The following C16orf74 variants were observed in gnomAD, a reference collection of about 807,000 sequenced individuals.
The protein encoded by C16orf74 is uncharacterized protein C16orf74.
A neutral mutation model predicts 6.5 loss-of-function variants in C16orf74; 10 were observed. That is an observed-to-expected ratio of 1.54 (90% confidence interval 0.95 to 2.61). The LOEUF is 2.61. C16orf74 is among the 30% of genes most tolerant of loss of function. The probability of loss-of-function intolerance (pLI) is 0.00; values close to 1 mark genes in which losing one functional copy is unlikely to be tolerated. For missense variants in C16orf74, 141 were observed against 105.9 expected (o/e 1.33, Z -1.45); for synonymous variants, 60 against 42.5 (o/e 1.41, Z -1.60).
At chr16:85,724,063 T>A (rs1056682443) in intron 2 of C16orf74, among the ~76,000 whole-genome samples, 15 of 152,070 alleles carry the variant, frequency 9.9e-5, no homozygotes, top group Non-Finnish European at 2.1e-4. Flanking sequence ...TGGAATGCAG[T>A]GGCACCGGGC....
chr16:85,709,751 G>A (rs971438856), intron 3 of C16orf74, among the ~76,000 whole-genome samples: 1 of 152,312 alleles, frequency 6.6e-6, no homozygotes, highest in Admixed American at 6.5e-5. Context: ...CCCAGGGTCC[G>A]GCCCCAGCCT....
chr16:85,733,398 GAACGGGGAGTTAGTGTTT>G (rs2054211164), intron 2 of C16orf74, among the ~76,000 whole-genome samples: 1 of 152,138 alleles, frequency 6.6e-6, no homozygotes, highest in African/African-American at 2.4e-5. Context: ...GCTGGGGAGG[GAACGGGGAGTTAGTGTTT>G]AACGGGGACA....
At chr16:85,717,435 G>A (rs1244585714) in intron 2 of C16orf74, among the ~76,000 whole-genome samples, 2 of 152,204 alleles carry the variant, frequency 1.3e-5, no homozygotes, top group East Asian at 3.9e-4. Flanking sequence ...GCCACTGTGG[G>A]AACAGGTGGC....
chr16:85,735,003 A>G lies in C16orf74; in HGVS notation c.28+187T>C, dbSNP rs561396092. On this transcript the variant is annotated intron_variant, in intron 2 of 3. Coordinates refer to ENST00000284245, the MANE Select transcript of C16orf74 (RefSeq NM_206967.3). Reference sequence around the variant, plus strand: ...AGTCACCCACTGCTAGTGAAATAGAAGGCCTGGAGGGGTGCTCAGAGTCAG... The same window carrying G: ...AGTCACCCACTGCTAGTGAAATAGAGGGCCTGGAGGGGTGCTCAGAGTCAG... 2.4e-3 allele frequency among the ~76,000 whole-genome samples: 367 copies of G among 152,274 alleles called. 1 individual carries two copies. The highest frequency in any genetic ancestry group is 8.4e-3 in the African/African-American group (351 of 41,564).
intron 1 of C16orf74, among the ~76,000 whole-genome samples, chr16:85,747,645 G>A (rs1370421703): frequency 6.6e-6 from 1 of 152,144 alleles, no homozygotes; most frequent in East Asian, 1.9e-4. Context: ...GTATCAAACT[G>A]TAAAATATTT....
intron 1 of C16orf74, among the ~76,000 whole-genome samples, chr16:85,738,766 G>A (rs1489962796): frequency 2.6e-5 from 4 of 151,874 alleles, no homozygotes; most frequent in South Asian, 4.2e-4. Flanking sequence ...CTGTGGGAGC[G>A]ACAGGCACAT....
At chr16:85,735,012 G>A (rs2054228467) in intron 2 of C16orf74, among the ~76,000 whole-genome samples, 178 bp downstream of exon 2, 1 of 152,164 alleles carries the variant, frequency 6.6e-6, no homozygotes, top group African/African-American at 2.4e-5. Context: ...AAGGCCTGGA[G>A]GGGTGCTCAG....
chr16:85,739,894 T>C (rs980006772), intron 1 of C16orf74, among the ~76,000 whole-genome samples: 1 of 152,168 alleles, frequency 6.6e-6, no homozygotes, highest in Non-Finnish European at 1.5e-5. Context: ...ATTCTGATTA[T>C]TGTACTGTGT....
chr16:85,719,726 G>T (rs554921796), intron 2 of C16orf74, among the ~76,000 whole-genome samples: 1 of 152,316 alleles, frequency 6.6e-6, no homozygotes, highest in East Asian at 1.9e-4. Context: ...CAATCAGAAA[G>T]CGGCAGGAGA....
intron 2 of C16orf74, among the ~76,000 whole-genome samples, chr16:85,725,059 G>A (rs1241597267): frequency 3.0e-5 from 4 of 133,648 alleles, no homozygotes; most frequent in Middle Eastern, 8.4e-3. Flanking sequence ...AAGCATGGGT[G>A]ACTGATGGGG....
intron 2 of C16orf74, among the ~76,000 whole-genome samples, chr16:85,716,822 G>C (rs567254561): frequency 2.6e-4 from 39 of 152,282 alleles, no homozygotes; most frequent in Admixed American, 6.5e-4. Flanking sequence ...GCTCTCAGGA[G>C]GATGAAGCCA....
At chr16:85,728,497 G>A (rs540373246) in intron 2 of C16orf74, among the ~76,000 whole-genome samples, 9 of 152,248 alleles carry the variant, frequency 5.9e-5, no homozygotes, top group South Asian at 4.1e-4. Flanking sequence ...TGACACTGGA[G>A]TTAACCCAGG....
chr16:85,710,359 G>T, intron 2 of C16orf74, 52 bp from the exon 3 acceptor site: 1 of 1,425,884 alleles, frequency 7.0e-7, no homozygotes, highest in South Asian at 1.5e-5. Context: ...CAGAGAGACA[G>T]GCATCAGTGG....
chr16:85,728,821 G>C (rs554313155), intron 2 of C16orf74, among the ~76,000 whole-genome samples: 35 of 152,340 alleles, frequency 2.3e-4, no homozygotes, highest in African/African-American at 7.5e-4. Context: ...CAACGTTGCA[G>C]TCAGTCAGAG....
At chr16:85,738,423 C>T (rs2054268269) in intron 1 of C16orf74, among the ~76,000 whole-genome samples, 2 of 150,278 alleles carry the variant, frequency 1.3e-5, no homozygotes, top group African/African-American at 2.5e-5. Context: ...TTCCCAGGTT[C>T]AAGTGATTCT....
intron 3 of C16orf74, among the ~76,000 whole-genome samples, chr16:85,708,890 C>T (rs2053939207): frequency 1.3e-5 from 2 of 152,262 alleles, no homozygotes; most frequent in African/African-American, 4.8e-5. Context: ...TGCATGGGCC[C>T]AGCGAGACCC....
At chr16:85,749,537 C>T (rs1473341337) in intron 1 of C16orf74, among the ~76,000 whole-genome samples, 1 of 152,194 alleles carries the variant, frequency 6.6e-6, no homozygotes, top group Non-Finnish European at 1.5e-5. Flanking sequence ...CCTGCTTTGG[C>T]ATCCCAAAGT....
intron 2 of C16orf74, among the ~76,000 whole-genome samples, chr16:85,715,326 C>A (rs1036303839): frequency 1.3e-5 from 2 of 152,138 alleles, no homozygotes; most frequent in African/African-American, 4.8e-5. Flanking sequence ...CCGAGGCGTG[C>A]GCTCCTTCAG....
chr16:85,715,888 T>C (rs2054018238), intron 2 of C16orf74, among the ~76,000 whole-genome samples: 1 of 152,190 alleles, frequency 6.6e-6, no homozygotes, highest in African/African-American at 2.4e-5. Context: ...CTTGAAGGGC[T>C]GCGTGTGAGG....
Sources: gnomAD v4.1 joint callset for allele counts (sites outside exome capture counted in the v4.1 genomes callset) on GRCh38, gnomAD v4.1.1 for gene constraint, MANE v1.5 for transcripts, NCBI Gene and HGNC (gene_info 2026-07-23, HGNC 2026-07-21) for gene names.